CDC42BPG: variants seen among roughly 807,000 people sequenced by gnomAD.
CDC42BPG encodes serine/threonine-protein kinase MRCK gamma.
Under a neutral mutation model 192.2 loss-of-function variants are expected in CDC42BPG, and 157 were observed. The ratio of observed to expected loss-of-function variants is 0.82; its 90% CI spans 0.72 to 0.93. The LOEUF (loss-of-function observed/expected upper bound fraction) is 0.93. CDC42BPG is among the 40% of genes least tolerant of loss of function. CDC42BPG has a pLI of 0.00. For synonymous variants in CDC42BPG, 981 were observed against 918.5 expected, an observed-to-expected ratio of 1.07 and a Z score of -1.23; for missense variants, 1,992 against 2,122.1, an observed-to-expected ratio of 0.94 and a Z score of 1.20.
rs767109978 is a variant in CDC42BPG at position 64,826,565 on chromosome 11, C to T, written c.4514-10G>A. ...CAGGGTTTCCTCTTCACTGCTCCAGCAGCAGACGAGGAGACAAAAATACCA... is the reference window on the plus strand; with the variant it reads ...CAGGGTTTCCTCTTCACTGCTCCAGTAGCAGACGAGGAGACAAAAATACCA... On this transcript the variant is annotated splice_polypyrimidine_tract_variant and intron_variant, in intron 35 of 36. Coordinates refer to ENST00000342711, the MANE Select transcript of CDC42BPG (RefSeq NM_017525.3). 1 of 1,597,346 alleles carries T rather than the reference C, an allele frequency of 6.3e-7. No individual in the cohort carries two copies. The highest frequency in any genetic ancestry group is 8.5e-7 in the Non-Finnish European group (1 of 1,172,982).
Position 64,841,830 on chromosome 11 carries a change from G to C in CDC42BPG, c.235C>G (p.Arg79Gly), listed in dbSNP as rs771924700. The stretch of plus-strand genomic sequence containing the variant: ...TTGCTCACCTCCCCAAAGGCTCCTC[G>C]GCCGATCACCTTCAAGATCTCAAAG... ...DDFEILKVIG[R>G]GAFGEVTVVR... Residue 79 changes from arginine to glycine, a missense_variant, in exon 2 of 37, where the codon CGA (arginine) becomes GGA (glycine). Physicochemically the swap from Arg to Gly is moderately radical, Grantham distance 125. Around this residue, in one of 2 missense-constraint regions of CDC42BPG, gnomAD observed 1,656 missense variants for 1,844.3 expected, o/e 0.90. Coordinates refer to ENST00000342711, the MANE Select transcript of CDC42BPG (RefSeq NM_017525.3). The C allele has an allele frequency of 3.7e-6, 6 of 1,613,936 alleles. No homozygotes were observed. Among genetic ancestry groups the C allele is most frequent in the Non-Finnish European group, 5.1e-6 (6 of 1,179,976 alleles).
At chr11:64,838,983 C>T in intron 7 of CDC42BPG, 50 bp downstream of exon 7, 1 of 1,612,338 alleles carries the variant, frequency 6.2e-7, no homozygotes, top group Non-Finnish European at 8.5e-7. Context: ...ACCACACAGA[C>T]TCAGGGGTCC....
chr11:64,841,192 C>T (rs1943266003), intron 3 of CDC42BPG, among the ~76,000 whole-genome samples: 2 of 151,692 alleles, frequency 1.3e-5, no homozygotes, highest in Admixed American at 6.6e-5. Flanking sequence ...GTGGTTCACG[C>T]CTGTAATCCC....
At chr11:64,837,213 G>C (rs940473587) in intron 9 of CDC42BPG, among the ~76,000 whole-genome samples, 194 bp from the exon 10 acceptor site, 2 of 152,228 alleles carry the variant, frequency 1.3e-5, no homozygotes, top group African/African-American at 4.8e-5. Context: ...TCCAGGCCCA[G>C]GTTTAAACCC....
Position 64,830,191 on chromosome 11 carries a change from T to C in CDC42BPG, c.3367+3A>G, listed in dbSNP as rs1387823776. On this transcript the variant is annotated splice_donor_region_variant and intron_variant, in intron 29 of 36. Coordinates refer to ENST00000342711, the MANE Select transcript of CDC42BPG (RefSeq NM_017525.3). ...CCCACCCTAGCCCAGCTTTGATAGG[T>C]ACCGTTGCTGCGCAGATGGATGACA... 3 of 1,613,434 alleles carry C rather than the reference T, an allele frequency of 1.9e-6. No homozygotes were observed. The African/African-American group carries it at 4.0e-5, about 22-fold the overall frequency.
intron 3 of CDC42BPG, among the ~76,000 whole-genome samples, chr11:64,841,411 C>G (rs1471694799): frequency 6.7e-6 from 1 of 150,306 alleles, no homozygotes; most frequent in African/African-American, 2.5e-5. Flanking sequence ...AAGATAGCAC[C>G]GTTGAACTCC....
Position 64,840,128 on chromosome 11 carries a change from A to T in CDC42BPG, c.573T>A (p.Tyr191Ter), listed in dbSNP as rs750257545. 3 of 1,612,018 alleles carry T rather than the reference A, an allele frequency of 1.9e-6. No homozygotes were observed. The African/African-American group carries it at 4.0e-5, about 22-fold the overall frequency. ...CGGGGTTGGGGCCCCACCTGTGGAC[A>T]TAACCCAGCTGGTGCAGCGAGTGGA... ...LAIHSLHQLG[Y>*]VHRDVKPDNV... Residue 191 changes from tyrosine to a stop codon, truncating the protein, a stop_gained, in exon 5 of 37, where the codon TAT becomes TAA. Transcript: ENST00000342711. LOFTEE classifies it high-confidence loss of function.
chr11:64,829,544 G>GC lies in CDC42BPG; in HGVS notation c.3893dup (p.Ile1299HisfsTer43). Reference sequence around the variant, plus strand: ...TGCGGCCTGCGCCATCCACGTAGATGCCAGCAGTGGTGAAGAGTAGCAGGA... The same window carrying GC: ...TGCGGCCTGCGCCATCCACGTAGATGCCCAGCAGTGGTGAAGAGTAGCAGGA... On this transcript the variant is annotated frameshift_variant, in exon 30 of 37. Coordinates refer to ENST00000342711, the MANE Select transcript of CDC42BPG (RefSeq NM_017525.3). LOFTEE classifies it high-confidence loss of function. 1 of 1,612,926 alleles carries GC rather than the reference G, an allele frequency of 6.2e-7. No homozygotes were observed. The highest frequency in any genetic ancestry group is 8.5e-7 in the Non-Finnish European group (1 of 1,179,908).
Position 64,830,232 on chromosome 11 carries a change from G to A in CDC42BPG, c.3329C>T (p.Thr1110Ile), listed in dbSNP as rs749149820. The change falls in exon 29 of 37, where the codon ACC becomes ATC. Residue 1110 changes from threonine to isoleucine, a missense_variant. By Grantham distance (89) the Thr-to-Ile change is moderately conservative (BLOSUM62 -1). Around this residue, in one of 2 missense-constraint regions of CDC42BPG, gnomAD observed 1,656 missense variants for 1,844.3 expected, o/e 0.90. Coordinates refer to ENST00000342711, the MANE Select transcript of CDC42BPG (RefSeq NM_017525.3). Reference protein sequence around the residue: ...ILDQDRLALGTEEGLFVIHLR... With the variant: ...ILDQDRLALGIEEGLFVIHLR... ...ATGGATGACAAAGAGCCCCTCCTCG[G>A]TGCCAAGCGCAAGTCGATCCTGGTC... 1 of 1,612,190 alleles carries A rather than the reference G, an allele frequency of 6.2e-7. No individual in the cohort carries two copies. Among genetic ancestry groups the A allele is most frequent in the East Asian group, 2.2e-5 (1 of 44,790 alleles).
chr11:64,838,182 G>C lies in CDC42BPG; in HGVS notation c.1126-20C>G. 1.3e-6 allele frequency: 2 copies of C among 1,544,538 alleles called. No individual in the cohort carries two copies. Among genetic ancestry groups the C allele is most frequent in the East Asian group, 2.4e-5 (1 of 40,936 alleles). On this transcript the variant is annotated intron_variant, in intron 8 of 36. Coordinates refer to ENST00000342711, the MANE Select transcript of CDC42BPG (RefSeq NM_017525.3). ...GGTCCCCTGCAGAGGGAGAGGGAAG[G>C]AGAGTCAGAGTCCACAGGCCAAGGC...
At position 64,826,769 on chromosome 11, in the gene CDC42BPG, G is replaced by A. The variant is rs1398494692; in HGVS notation, c.4415C>T (p.Ala1472Val). 13 of 1,521,594 alleles carry A rather than the reference G, an allele frequency of 8.5e-6. No individual in the cohort carries two copies. The highest frequency in any genetic ancestry group is 8.8e-7 in the Non-Finnish European group (1 of 1,136,020). 94.3% of individuals were successfully genotyped at this position (1,521,594 alleles called of 1,614,324 possible). A position where few individuals can be genotyped will look rare whatever the true frequency, so the allele number is the denominator to read the frequency against. ...SPAPEEKGRV[A>V]RGSGPQRPHS... ...GGGCCGCTGTGGGCCGGAGCCGCGG[G>A]CAACTCGGCCCTTCTCTTCGGGAGC... The change falls in exon 35 of 37, where the codon GCC becomes GTC. Residue 1472 changes from alanine to valine, a missense_variant. By Grantham distance (64) the Ala-to-Val change is moderately conservative (BLOSUM62 0). Coordinates refer to ENST00000342711, the MANE Select transcript of CDC42BPG (RefSeq NM_017525.3).
At chr11:64,838,211 A>T in intron 8 of CDC42BPG, 49 bp from the exon 9 acceptor site, 1 of 1,372,470 alleles carries the variant, frequency 7.3e-7, no homozygotes, top group South Asian at 1.3e-5. Flanking sequence ...CCAAGGCCCG[A>T]GGCCCAAGGC....
At chr11:64,837,426 C>T (rs1306906843) in intron 9 of CDC42BPG, among the ~76,000 whole-genome samples, 1 of 152,162 alleles carries the variant, frequency 6.6e-6, no homozygotes, top group African/African-American at 2.4e-5. Flanking sequence ...GACCTCACTG[C>T]GGTCTCAGGC....
At chr11:64,834,805 G>A (rs1942894396) in intron 18 of CDC42BPG, 44 bp downstream of exon 18, 1 of 1,575,320 alleles carries the variant, frequency 6.3e-7, no homozygotes, top group Non-Finnish European at 8.7e-7. Context: ...CGGAAGGTCA[G>A]TGACTTGCCC....
At chr11:64,829,015 A>G (rs1942561693) in intron 30 of CDC42BPG, among the ~76,000 whole-genome samples, 1 of 152,094 alleles carries the variant, frequency 6.6e-6, no homozygotes, top group African/African-American at 2.4e-5. Flanking sequence ...ACACCACTGC[A>G]CTCCAGCCTG....
chr11:64,833,500 G>A (rs1942806841), intron 23 of CDC42BPG, 100 bp downstream of exon 23: 1 of 1,205,504 alleles, frequency 8.3e-7, no homozygotes, highest in African/African-American at 1.5e-5. Context: ...CCCCAATTGT[G>A]CCTGCTAGCC....
In CDC42BPG at chr11:64,840,615, C is replaced by G. The variant is rs770372337; in HGVS notation, c.370G>C (p.Val124Leu). ...ACFREERDVLVKGDSRWVTTL... is the reference protein window; with the variant it reads ...ACFREERDVLLKGDSRWVTTL... The stretch of plus-strand genomic sequence containing the variant: ...GTCACCCAACGGCTGTCCCCTTTCA[C>G]GAGCACATCCCGCTCCTCCCGGAAA... The change falls in exon 4 of 37, where the codon GTG (valine) becomes CTG (leucine). Residue 124 changes from valine (V) to leucine (L), a missense_variant. Transcript: ENST00000342711. The G allele has an allele frequency of 4.3e-6, 7 of 1,613,782 alleles. No homozygotes were observed. In the African/African-American group the frequency reaches 6.7e-5, roughly 15 times the overall value.
chr11:64,832,766 A>G, intron 25 of CDC42BPG, 23 bp from the exon 26 acceptor site: 2 of 1,595,440 alleles, frequency 1.3e-6, no homozygotes, highest in Non-Finnish European at 1.7e-6. Context: ...CAAGCATGGG[A>G]GGGCTGCAGG....
In CDC42BPG at chr11:64,835,776, A is replaced by C. The variant is rs1281325818; in HGVS notation, c.1744T>G (p.Ser582Ala). Residue 582 changes from serine to alanine, a missense_variant, in exon 14 of 37, where the codon TCG becomes GCG. Physicochemically the swap from Ser to Ala is moderately conservative, Grantham distance 99. Around this residue, in one of 2 missense-constraint regions of CDC42BPG, gnomAD observed 1,656 missense variants for 1,844.3 expected, o/e 0.90. Coordinates refer to ENST00000342711, the MANE Select transcript of CDC42BPG (RefSeq NM_017525.3). ...QGQWEQRLEE[S>A]SQAKTIHTAS... ...GACTTGACTACCTTGGCCTGGGACG[A>C]CTCCTCAAGGCGTTGCTCCCACTGT... The C allele has an allele frequency of 6.2e-7, 1 of 1,612,664 alleles. No homozygotes were observed.
Sources: gnomAD v4.1 joint callset for allele counts (sites outside exome capture counted in the v4.1 genomes callset) on GRCh38, gnomAD v4.1.1 for gene constraint, gnomAD v4.1.1 regional missense constraint, MANE v1.5 for transcripts, NCBI Gene and HGNC (gene_info 2026-07-23, HGNC 2026-07-21) for gene names.